CLEC17A: variants seen among roughly 807,000 people sequenced by gnomAD.
CLEC17A encodes C-type lectin domain family 17, member A.
CLEC17A carries 37 observed loss-of-function variants against 61.3 expected under a neutral mutation model. The observed-to-expected ratio is 0.60, with a 90% CI of 0.46 to 0.79. The LOEUF (loss-of-function observed/expected upper bound fraction) is 0.79, where lower values mean the gene tolerates loss of function less well. Ranked by LOEUF, CLEC17A falls within the 30% of genes least tolerant of loss-of-function variation. The probability of loss-of-function intolerance (pLI) is 0.00; values close to 1 mark genes in which losing one functional copy is unlikely to be tolerated. For synonymous variants in CLEC17A, 168 were observed against 164.9 expected (o/e 1.02, Z -0.14); for missense variants, 418 against 464.7 (o/e 0.90, Z 0.92).
At chr19:14,594,085 C>T (rs979271017) in intron 4 of CLEC17A, among the ~76,000 whole-genome samples, 2 of 152,034 alleles carry the variant, frequency 1.3e-5, no homozygotes, top group Non-Finnish European at 2.9e-5. Flanking sequence ...GAGTTCGAGA[C>T]CAGCCTGGCC....
At chr19:14,583,071 T>G (rs556167176), upstream of CLEC17A, 2 of 1,438,270 alleles carry the variant, frequency 1.4e-6, no homozygotes, top group Non-Finnish European at 9.7e-7. Context: ...AAAAGGGAAC[T>G]GAGAGAGCCC....
At chr19:14,589,213 A>G (rs924634194) in intron 3 of CLEC17A, among the ~76,000 whole-genome samples, 2 of 142,842 alleles carry the variant, frequency 1.4e-5, no homozygotes, top group African/African-American at 2.9e-5. Context: ...CCTGTCCCCA[A>G]CCCATTTTCC....
chr19:14,606,374 CA>C (rs35346403), intron 12 of CLEC17A, among the ~76,000 whole-genome samples: 11,784 of 94,704 alleles, frequency 0.12, 441 homozygotes, highest in Admixed American at 0.18. Context: ...GACCCTGTCT[CA>C]AAAAAAAAAA....
chr19:14,603,571 T>C (rs2074776975), intron 12 of CLEC17A, among the ~76,000 whole-genome samples: 2 of 152,062 alleles, frequency 1.3e-5, no homozygotes, highest in African/African-American at 4.8e-5. Flanking sequence ...GCAATCCTCC[T>C]GATTTAGCCT....
In CLEC17A at chr19:14,610,202, A is replaced by T; in HGVS notation, c.*6A>T. 1 of 1,558,208 alleles carries T rather than the reference A, an allele frequency of 6.4e-7. No individual in the cohort carries two copies. The highest frequency in any genetic ancestry group is 8.7e-7 in the Non-Finnish European group (1 of 1,151,116). On this transcript the variant is annotated 3_prime_UTR_variant, in exon 14 of 14. Coordinates refer to ENST00000417570, the MANE Select transcript of CLEC17A (RefSeq NM_001204118.2). ...AGCGGAAATGTTCCTGTTGAAGCCC[A>T]GGGCCGAGGCTGGGGGTCCATATCT... is the stretch of plus-strand genomic sequence containing the variant.
chr19:14,609,533 C>T (rs1334919563), intron 13 of CLEC17A, among the ~76,000 whole-genome samples: 1 of 152,108 alleles, frequency 6.6e-6, no homozygotes, highest in African/African-American at 2.4e-5. Context: ...CAGAAACTGA[C>T]CAGATTCAGA....
At chr19:14,584,939 A>T (rs932487034) in intron 2 of CLEC17A, among the ~76,000 whole-genome samples, 2 of 151,800 alleles carry the variant, frequency 1.3e-5, no homozygotes, top group Non-Finnish European at 2.9e-5. Context: ...ACCCACATCC[A>T]TCCCTGTCCC....
chr19:14,605,560 C>T (rs1346791657), intron 12 of CLEC17A, among the ~76,000 whole-genome samples: 1 of 152,192 alleles, frequency 6.6e-6, no homozygotes, highest in African/African-American at 2.4e-5. Flanking sequence ...AATCTTTCCA[C>T]CACCCTAGAA....
intron 10 of CLEC17A, among the ~76,000 whole-genome samples, chr19:14,597,473 G>A (rs2074578170): frequency 1.3e-5 from 2 of 152,204 alleles, no homozygotes; most frequent in African/African-American, 4.8e-5. Context: ...CAGGTGCAGT[G>A]GCACATGCCT....
At chr19:14,587,142 C>T (rs77413758) in intron 2 of CLEC17A, among the ~76,000 whole-genome samples, 13,041 of 151,936 alleles carry the variant, frequency 0.086, 704 homozygotes, top group African/African-American at 0.15. Flanking sequence ...ACCTGCCAGC[C>T]TCAGCCTCCC....
At chr19:14,592,228 G>A in intron 3 of CLEC17A, 53 bp from the exon 4 acceptor site, 1 of 1,517,210 alleles carries the variant, frequency 6.6e-7, no homozygotes, top group South Asian at 1.3e-5. Context: ...CAGGGCTTGA[G>A]GGATGGAGGG....
At chr19:14,609,875 C>T (rs992427226) in intron 13 of CLEC17A, among the ~76,000 whole-genome samples, 189 bp from the exon 14 acceptor site, 7 of 143,152 alleles carry the variant, frequency 4.9e-5, no homozygotes, top group African/African-American at 1.8e-4. Flanking sequence ...CCCCCCAAAA[C>T]CAGAAATTGA....
In CLEC17A at chr19:14,610,246, A is replaced by C. The variant is rs1362033991; in HGVS notation, c.*50A>C. 2 of 1,542,206 alleles carry C rather than the reference A, an allele frequency of 1.3e-6. No homozygotes were observed. Among genetic ancestry groups the C allele is most frequent in the Non-Finnish European group, 1.7e-6 (2 of 1,146,348 alleles). On this transcript the variant is annotated 3_prime_UTR_variant, in exon 14 of 14. Coordinates refer to ENST00000417570, the MANE Select transcript of CLEC17A (RefSeq NM_001204118.2). ...CATATCTGAGTGTCTCTTTGAGATG[A>C]GAATCTCCTGCCCTTTCGTGGACGG...
chr19:14,596,558 C>G (rs1160714321), intron 8 of CLEC17A, among the ~76,000 whole-genome samples: 3 of 152,122 alleles, frequency 2.0e-5, no homozygotes, highest in African/African-American at 7.2e-5. Context: ...TGCTTGAGCC[C>G]AGGCATTAGA....
chr19:14,604,550 G>T (rs903994587), intron 12 of CLEC17A, among the ~76,000 whole-genome samples: 1 of 152,074 alleles, frequency 6.6e-6, no homozygotes, highest in Non-Finnish European at 1.5e-5. Flanking sequence ...ATCACCTGAG[G>T]TCAGGAGTTT....
chr19:14,608,800 A>AT (rs71166766), intron 13 of CLEC17A, among the ~76,000 whole-genome samples: 35,302 of 131,316 alleles, frequency 0.27, 4,942 homozygotes, highest in African/African-American at 0.33. Context: ...TGCCTGGCTA[A>AT]TTTTTTTTTT....
chr19:14,599,983 T>C (rs781101377), intron 11 of CLEC17A, 48 bp from the exon 12 acceptor site: 1 of 1,604,306 alleles, frequency 6.2e-7, no homozygotes, highest in Non-Finnish European at 8.5e-7. Flanking sequence ...ACTATGTACA[T>C]GGCTCAGGTT....
intron 2 of CLEC17A, among the ~76,000 whole-genome samples, chr19:14,586,887 CTTTCTT>C (rs906618026): frequency 4.3e-5 from 6 of 139,226 alleles, no homozygotes; most frequent in African/African-American, 1.8e-4. Flanking sequence ...TTCTTTCTTT[CTTTCTT>C]TTTTTTTTTT....
rs534935700 is a variant in CLEC17A, at chr19:14,604,949, C to A, written c.895-2044C>A. Among the ~76,000 whole-genome samples, 82 of 152,192 alleles carry A rather than the reference C, an allele frequency of 5.4e-4. 1 individual carries two copies. The highest frequency in any genetic ancestry group is 2.0e-3 in the African/African-American group (82 of 41,532). On this transcript the variant is annotated intron_variant, in intron 12 of 13. Coordinates refer to ENST00000417570, the MANE Select transcript of CLEC17A (RefSeq NM_001204118.2). ...GTGGAAAGCTGGGGCGAGTGTTACT[C>A]ACACCCAAACAGCAACAATAGCCAG...
Sources: allele counts gnomAD v4.1 joint callset (sites outside exome capture counted in the v4.1 genomes callset), GRCh38; gene constraint gnomAD v4.1.1; transcripts MANE v1.5; gene names NCBI Gene and HGNC (gene_info 2026-07-23, HGNC 2026-07-21).